The following SSBP3 variants were observed in gnomAD, a reference collection of about 807,000 sequenced individuals.
SSBP3 encodes the protein single-stranded DNA-binding protein 3.
In SSBP3, 5 loss-of-function variants were observed where a neutral mutation model predicts 69.6. The ratio of observed to expected loss-of-function variants is 0.07; its 90% CI spans 0.04 to 0.15. The LOEUF is 0.15. SSBP3 is among the 10% of genes least tolerant of loss of function. SSBP3 has a pLI of 1.00. For missense variants in SSBP3, 312 were observed against 534.0 expected, an observed-to-expected ratio of 0.58 and a Z score of 4.10; for synonymous variants, 196 against 193.4, an observed-to-expected ratio of 1.01 and a Z score of -0.11.
chr1:54,336,307 C>T (rs971126918), intron 4 of SSBP3, among the ~76,000 whole-genome samples: 2 of 152,230 alleles, frequency 1.3e-5, no homozygotes, highest in African/African-American at 2.4e-5. Flanking sequence ...TGGCCCCCCA[C>T]GTTGGGGGAC....
chr1:54,268,326 G>A (rs914200042), intron 5 of SSBP3, among the ~76,000 whole-genome samples: 12 of 152,224 alleles, frequency 7.9e-5, no homozygotes, highest in East Asian at 1.9e-4. Flanking sequence ...GCTCGCCAGC[G>A]CTCAGGCTCC....
intron 4 of SSBP3, among the ~76,000 whole-genome samples, chr1:54,345,995 A>AC (rs1024509106): frequency 1.5e-4 from 23 of 151,800 alleles, no homozygotes; most frequent in South Asian, 4.2e-4. Flanking sequence ...ACAAAAAAAA[A>AC]AAAACAAAAC....
chr1:54,332,505 G>A (rs528151445), intron 4 of SSBP3, among the ~76,000 whole-genome samples: 1 of 152,268 alleles, frequency 6.6e-6, no homozygotes, highest in South Asian at 2.1e-4. Flanking sequence ...GAAAGGGCTG[G>A]GCAGAAGAGA....
chr1:54,238,296 C>T (rs1161178768), intron 14 of SSBP3: 2 of 470,990 alleles, frequency 4.2e-6, no homozygotes, highest in African/African-American at 4.0e-5. Flanking sequence ...TCAACCAGGC[C>T]AAAGCCTCGC....
chr1:54,262,202 C>T (rs1318171613), intron 5 of SSBP3, among the ~76,000 whole-genome samples: 3 of 152,172 alleles, frequency 2.0e-5, no homozygotes, highest in Non-Finnish European at 2.9e-5. Flanking sequence ...CCTACATAAG[C>T]TCATCTAATC....
Position 54,333,634 on chromosome 1 carries a change from G to A in SSBP3, c.277-52107C>T, listed in dbSNP as rs114486438. Among the ~76,000 whole-genome samples the A allele has an allele frequency of 7.1e-3, 1,083 of 152,278 alleles. 19 individuals are homozygous for A. Among genetic ancestry groups the A allele is most frequent in the African/African-American group, 0.025 (1,023 of 41,546 alleles). On this transcript the variant is annotated intron_variant, in intron 4 of 17. Transcript: ENST00000610401. ...TGGGTTTAAATCCCAGCTCTGCCAC[G>A]TATAAGCTGTATCATCTTGGGCAAC...
chr1:54,351,450 C>CATA (rs1368205034), intron 4 of SSBP3, among the ~76,000 whole-genome samples: 1 of 152,198 alleles, frequency 6.6e-6, no homozygotes, highest in Non-Finnish European at 1.5e-5. Context: ...GCTGACCCAC[C>CATA]ATATCAGTGA....
chr1:54,240,106 G>A (rs1415863006), intron 13 of SSBP3, among the ~76,000 whole-genome samples: 15 of 5,592 alleles, frequency 2.7e-3, no homozygotes, highest in South Asian at 0.021. Context: ...GCGCGTGTGC[G>A]TGCGCGCGCG....
intron 4 of SSBP3, among the ~76,000 whole-genome samples, chr1:54,389,273 CA>C (rs1648308372): frequency 6.6e-6 from 1 of 152,150 alleles, no homozygotes; most frequent in Non-Finnish European, 1.5e-5. Context: ...CTGGAGTCCA[CA>C]GGGGGTGGTA....
At chr1:54,344,360 A>G (rs980640775) in intron 4 of SSBP3, among the ~76,000 whole-genome samples, 2 of 152,238 alleles carry the variant, frequency 1.3e-5, no homozygotes, top group African/African-American at 4.8e-5. Flanking sequence ...CACTGCACAC[A>G]GTCTTGGCAT....
intron 4 of SSBP3, among the ~76,000 whole-genome samples, chr1:54,302,775 T>TA (rs1228944122): frequency 6.6e-6 from 1 of 152,146 alleles, no homozygotes; most frequent in East Asian, 1.9e-4. Context: ...TAAGGCTGCA[T>TA]GGGGGCTCAG....
intron 4 of SSBP3, among the ~76,000 whole-genome samples, chr1:54,308,233 C>T (rs1470145042): frequency 6.6e-6 from 1 of 152,192 alleles, no homozygotes; most frequent in Non-Finnish European, 1.5e-5. Flanking sequence ...GCAGGCAGAT[C>T]ACTTGAGGTC....
At chr1:54,366,985 C>T (rs1372317685) in intron 4 of SSBP3, among the ~76,000 whole-genome samples, 1 of 152,154 alleles carries the variant, frequency 6.6e-6, no homozygotes. Context: ...CCTCCGAATC[C>T]CTCGTGCTGG....
intron 4 of SSBP3, among the ~76,000 whole-genome samples, chr1:54,381,286 G>A (rs920287367): frequency 5.3e-5 from 8 of 149,574 alleles, no homozygotes; most frequent in African/African-American, 2.0e-4. Context: ...AGGAGGCTGA[G>A]GCAAGACAAT....
At chr1:54,320,664 G>A (rs1201586640) in intron 4 of SSBP3, among the ~76,000 whole-genome samples, 1 of 152,200 alleles carries the variant, frequency 6.6e-6, no homozygotes, top group African/African-American at 2.4e-5. Flanking sequence ...GAGGTGGGAA[G>A]GAGGTCAGGA....
At chr1:54,326,673 T>A (rs1162884224) in intron 4 of SSBP3, among the ~76,000 whole-genome samples, 1 of 152,160 alleles carries the variant, frequency 6.6e-6, no homozygotes, top group Non-Finnish European at 1.5e-5. Context: ...AATAACTGTT[T>A]CATGGGAATA....
intron 4 of SSBP3, among the ~76,000 whole-genome samples, chr1:54,290,924 AACACACACAC>A (rs965210838): frequency 2.6e-5 from 4 of 152,120 alleles, no homozygotes; most frequent in Admixed American, 1.3e-4. Context: ...CCATTAGCAA[AACACACACAC>A]ACGCACACAC....
intron 4 of SSBP3, among the ~76,000 whole-genome samples, chr1:54,344,126 A>T (rs148297641): frequency 6.6e-6 from 1 of 152,322 alleles, no homozygotes; most frequent in East Asian, 1.9e-4. Flanking sequence ...CAGTGGACTG[A>T]CATTACCCTA....
intron 4 of SSBP3, among the ~76,000 whole-genome samples, chr1:54,354,157 C>A (rs1470695268): frequency 2.0e-5 from 3 of 152,238 alleles, no homozygotes; most frequent in African/African-American, 4.8e-5. Context: ...GCGCATACCA[C>A]TGTCTGCAGA....
Sources: gnomAD v4.1 joint callset for allele counts (sites outside exome capture counted in the v4.1 genomes callset) on GRCh38, gnomAD v4.1.1 for gene constraint, MANE v1.5 for transcripts, NCBI Gene and HGNC (gene_info 2026-07-23, HGNC 2026-07-21) for gene names.